The following CSNK1A1 variants were observed in gnomAD, a reference collection of about 807,000 sequenced individuals.
CSNK1A1 encodes the protein casein kinase I isoform alpha.
In CSNK1A1, 7 loss-of-function variants were observed where a neutral mutation model predicts 46.1. The ratio of observed to expected loss-of-function variants is 0.15; its 90% confidence interval spans 0.09 to 0.29. CSNK1A1 has a LOEUF of 0.29. Ranked by LOEUF, CSNK1A1 falls within the 10% of genes least tolerant of loss-of-function variation. The probability of loss-of-function intolerance (pLI) is 1.00; values close to 1 mark genes in which losing one functional copy is unlikely to be tolerated. For synonymous variants in CSNK1A1, 137 were observed against 141.5 expected, an observed-to-expected ratio of 0.97 and a Z score of 0.23; for missense variants, 96 against 417.1, an observed-to-expected ratio of 0.23 and a Z score of 6.71.
Position 149,493,012 on chromosome 5 carries a change from G to C in CSNK1A1, c.*3841C>G, listed in dbSNP as rs1760564351. The C allele has an allele frequency of 1.3e-5, 2 of 152,154 alleles. No homozygotes were observed. Among genetic ancestry groups the C allele is most frequent in the Admixed American group, 1.3e-4 (2 of 15,282 alleles). 9.4% of individuals were successfully genotyped at this position (152,154 alleles called of 1,614,324 possible). A position where few individuals can be genotyped will look rare whatever the true frequency, so the allele number is the denominator to read the frequency against. ...TTGCTACCAGTTTATTTTGATAATT[G>C]ACACAGATTTAGCAAGTATAATCCT... On this transcript the variant is annotated 3_prime_UTR_variant, in exon 10 of 10. Transcript: ENST00000377843.
At chr5:149,523,257 C>A (rs1458450454) in intron 3 of CSNK1A1, among the ~76,000 whole-genome samples, 2 of 152,110 alleles carry the variant, frequency 1.3e-5, no homozygotes, top group African/African-American at 4.8e-5. Flanking sequence ...CCAGGCTGGT[C>A]TCGAACTCCT....
chr5:149,533,188 C>T (rs187179475), intron 2 of CSNK1A1, among the ~76,000 whole-genome samples: 13 of 152,310 alleles, frequency 8.5e-5, no homozygotes, highest in African/African-American at 2.9e-4. Context: ...TACCACTGTT[C>T]ATTATCAAAG....
At chr5:149,504,588 C>G in intron 9 of CSNK1A1, 1 of 985,304 alleles carries the variant, frequency 1.0e-6, no homozygotes, top group Non-Finnish European at 1.2e-6. Flanking sequence ...ACAGTGTGCC[C>G]TAACAGTTCT....
Position 149,525,109 on chromosome 5 carries a change from T to A in CSNK1A1, c.293A>T (p.Glu98Val), listed in dbSNP as rs1761686597. The change falls in exon 3 of 10, where the codon GAA (glutamate) becomes GTA (valine). Residue 98 changes from glutamate to valine, a missense_variant. Glu to Val is a moderately radical substitution (Grantham distance 121). Coordinates refer to ENST00000377843, the MANE Select transcript of CSNK1A1 (RefSeq NM_001892.6). This position sits in a 1 kb window ranked among gnomAD's most constrained non-coding sequence, Gnocchi z 4.2. Reference sequence around the variant, plus strand: ...TCTTGAACAGAAATTGAAGAGGTCTTCGAGGCTAGGTCCCAGAAGATCCAT... The same window carrying A: ...TCTTGAACAGAAATTGAAGAGGTCTACGAGGCTAGGTCCCAGAAGATCCAT... Reference protein sequence around the residue: ...LVMDLLGPSLEDLFNFCSRRF... With the variant: ...LVMDLLGPSLVDLFNFCSRRF... 1 of 1,613,530 alleles carries A rather than the reference T, an allele frequency of 6.2e-7. No individual in the cohort carries two copies.
chr5:149,495,017 G>T lies in CSNK1A1; in HGVS notation c.*1836C>A, dbSNP rs993634609. The T allele has an allele frequency of 1.3e-5, 2 of 152,074 alleles. No individual in the cohort carries two copies. The highest frequency in any genetic ancestry group is 4.8e-5 in the African/African-American group (2 of 41,408). The allele number at this position is 152,074 out of a possible 1,614,324, so 9.4% of individuals were successfully genotyped here. ...AAATAGCTTTATGAGACTGATTTCT[G>T]GCTAAAAGTATCAAAGGGTTTATTA... On this transcript the variant is annotated 3_prime_UTR_variant, in exon 10 of 10. Coordinates refer to ENST00000377843, the MANE Select transcript of CSNK1A1 (RefSeq NM_001892.6).
intron 6 of CSNK1A1, 43 bp downstream of exon 6, chr5:149,511,751 T>TAAAAAAAAA: frequency 7.4e-7 from 1 of 1,348,070 alleles, no homozygotes; most frequent in Non-Finnish European, 1.0e-6. Flanking sequence ...ATTTTTATTC[T>TAAAAAAAAA]AAAAAAGAGA....
rs568413208 is a variant in CSNK1A1, at chr5:149,493,708, A to T, written c.*3145T>A. On this transcript the variant is annotated 3_prime_UTR_variant, in exon 10 of 10. Transcript: ENST00000377843. ...AAGAAAATCCCCCAAAATGTAAGCA[A>T]TGGTAATAATGCATTTAAAGTATAG... The T allele has an allele frequency of 1.3e-5, 2 of 152,274 alleles. No homozygotes were observed. Among genetic ancestry groups the T allele is most frequent in the Non-Finnish European group, 2.9e-5 (2 of 68,014 alleles). The allele number at this position is 152,274 out of a possible 1,614,324, so 9.4% of individuals were successfully genotyped here.
chr5:149,532,253 T>C (rs1472186897), intron 2 of CSNK1A1, among the ~76,000 whole-genome samples: 3 of 152,068 alleles, frequency 2.0e-5, no homozygotes, highest in Non-Finnish European at 4.4e-5. Context: ...TAGTAATGAG[T>C]GTAAACTATA....
rs1255030418 is a variant in CSNK1A1, at chr5:149,509,968, A to G, written c.676-15T>C. On this transcript the variant is annotated splice_polypyrimidine_tract_variant and intron_variant, in intron 6 of 9. Transcript: ENST00000377843. ...TTTGTTGCAGCCTGTGGAAAAGAAT[A>G]AAATAAAAAAGATATACTCAGTGCT... 6.4e-7 allele frequency: 1 copy of G among 1,569,636 alleles called. No homozygotes were observed. The highest frequency in any genetic ancestry group is 1.8e-5 in the Admixed American group (1 of 56,448).
At position 149,496,791 on chromosome 5, in the gene CSNK1A1, T is replaced by C. The variant is rs1174556296; in HGVS notation, c.*62A>G. On this transcript the variant is annotated 3_prime_UTR_variant, in exon 10 of 10. Transcript: ENST00000377843. ...TACATATGAACTAAAATTTCTAGAT[T>C]TGGGGAGAAACAAATGCTGCTCCGA... The C allele has an allele frequency of 6.5e-7, 1 of 1,541,834 alleles. No individual in the cohort carries two copies. Among genetic ancestry groups the C allele is most frequent in the African/African-American group, 1.4e-5 (1 of 72,444 alleles).
chr5:149,523,887 T>G (rs1403289593), intron 3 of CSNK1A1, among the ~76,000 whole-genome samples: 1 of 152,230 alleles, frequency 6.6e-6, no homozygotes, highest in Admixed American at 6.5e-5. Flanking sequence ...ATTTCCCTAC[T>G]ATACTATGTA....
intron 2 of CSNK1A1, among the ~76,000 whole-genome samples, chr5:149,542,685 TA>T (rs1762336692): frequency 1.0e-4 from 2 of 20,080 alleles, no homozygotes; most frequent in South Asian, 2.2e-3. Flanking sequence ...TATATATATA[TA>T]TATATATTTT....
At chr5:149,502,349 T>C (rs6875434) in intron 9 of CSNK1A1, 144,002 of 957,700 alleles carry the variant, frequency 0.15, 11,127 homozygotes, top group Non-Finnish European at 0.16. Flanking sequence ...CTTCTAAAAA[T>C]TCCTTGTTGT....
intron 5 of CSNK1A1, 99 bp from the exon 6 acceptor site, chr5:149,511,971 G>A (rs1761235922): frequency 1.1e-6 from 1 of 887,004 alleles, no homozygotes; most frequent in Non-Finnish European, 1.8e-6. Flanking sequence ...CAAATGAGGA[G>A]GGAACACTAT....
At chr5:149,533,118 T>G (rs562459598) in intron 2 of CSNK1A1, among the ~76,000 whole-genome samples, 35 of 152,312 alleles carry the variant, frequency 2.3e-4, no homozygotes, top group African/African-American at 8.4e-4. Flanking sequence ...GCCCTTTGCC[T>G]TCAAAGATAT....
chr5:149,539,899 T>G (rs918828130), intron 2 of CSNK1A1, among the ~76,000 whole-genome samples: 4 of 152,198 alleles, frequency 2.6e-5, no homozygotes, highest in African/African-American at 9.7e-5. Flanking sequence ...ATTGGTGTAA[T>G]GATTAAATGA....
At chr5:149,549,393 G>A (rs1762587109) in intron 2 of CSNK1A1, 1 of 678,442 alleles carries the variant, frequency 1.5e-6, no homozygotes, top group Non-Finnish European at 2.7e-6. Context: ...CAACAATTTC[G>A]TGTCACATCT....
intron 6 of CSNK1A1, 75 bp from the exon 7 acceptor site, chr5:149,510,028 CAT>C: frequency 1.1e-6 from 1 of 891,432 alleles, no homozygotes; most frequent in Non-Finnish European, 1.7e-6. Flanking sequence ...ACGCACTAGA[CAT>C]ATAAACATAT....
intron 2 of CSNK1A1, among the ~76,000 whole-genome samples, chr5:149,548,437 C>T (rs897857392): frequency 1.8e-4 from 27 of 151,690 alleles, no homozygotes; most frequent in African/African-American, 5.8e-4. Context: ...CGTAGTAGTG[C>T]AGCTCTGCAA....
Sources: allele counts gnomAD v4.1 joint callset (sites outside exome capture counted in the v4.1 genomes callset), GRCh38; gene constraint gnomAD v4.1.1; non-coding constraint Gnocchi (gnomAD v3.1); transcripts MANE v1.5; gene names NCBI Gene and HGNC (gene_info 2026-07-23, HGNC 2026-07-21).